The following PTPRG variants were observed in gnomAD, a reference collection of about 807,000 sequenced individuals.
PTPRG encodes the protein protein tyrosine phosphatase receptor type G, also known as receptor-type tyrosine-protein phosphatase gamma.
In PTPRG, 102 loss-of-function variants were observed where a neutral mutation model predicts 165.3. That is an observed-to-expected ratio of 0.62 (90% confidence interval 0.53 to 0.73). PTPRG has a LOEUF of 0.73. PTPRG is among the 30% of genes least tolerant of loss of function. The pLI, the probability that PTPRG is intolerant of heterozygous loss-of-function variation, is 0.00. For missense variants in PTPRG, 1,866 were observed against 1,861.4 expected (o/e 1.00, Z -0.05); for synonymous variants, 675 against 669.5 (o/e 1.01, Z -0.13).
chr3:61,734,789 G>T (rs2032654748), intron 1 of PTPRG, among the ~76,000 whole-genome samples: 1 of 152,130 alleles, frequency 6.6e-6, no homozygotes, highest in Non-Finnish European at 1.5e-5. Context: ...GTCATAAAAG[G>T]ATTTATATTC....
intron 5 of PTPRG, among the ~76,000 whole-genome samples, chr3:62,102,427 C>T (rs1429443154): frequency 1.3e-5 from 2 of 152,138 alleles, no homozygotes; most frequent in Admixed American, 6.5e-5. Context: ...TGCACGCCTC[C>T]ACGCCTGGCT....
At chr3:61,772,058 TAAAAAAAAAAAAAA>T (rs71100977) in intron 2 of PTPRG, among the ~76,000 whole-genome samples, 2 of 64,782 alleles carry the variant, frequency 3.1e-5, no homozygotes, top group East Asian at 5.2e-4. Flanking sequence ...AGACTCTGTC[TAAAAAAAAAAAAAA>T]AAAAAAAAAA....
intron 6 of PTPRG, among the ~76,000 whole-genome samples, chr3:62,134,486 G>C (rs1279887073): frequency 6.6e-6 from 1 of 152,142 alleles, no homozygotes. Context: ...CCTCTGTCGG[G>C]AGAGTTCTTC....
At chr3:62,152,085 G>A (rs1412897973) in intron 6 of PTPRG, among the ~76,000 whole-genome samples, 1 of 152,094 alleles carries the variant, frequency 6.6e-6, no homozygotes, top group Non-Finnish European at 1.5e-5. Flanking sequence ...GATTTTATTA[G>A]CCAGGCATAT....
chr3:62,179,047 C>T (rs1192076077), intron 8 of PTPRG, among the ~76,000 whole-genome samples: 1 of 152,182 alleles, frequency 6.6e-6, no homozygotes, highest in Non-Finnish European at 1.5e-5. Context: ...AGACATCTTC[C>T]CCATTCATCC....
rs59739361 is a variant in PTPRG, at chr3:62,277,801, A to G, written c.3765+122A>G. 3.4e-5 allele frequency: 42 copies of G among 1,237,264 alleles called. No individual in the cohort carries two copies. The African/African-American group carries it at 6.1e-4, about 18-fold the overall frequency. The allele number at this position is 1,237,264 out of a possible 1,614,324, so 76.6% of individuals were successfully genotyped here. A position where few individuals can be genotyped will look rare whatever the true frequency, so the allele number is the denominator to read the frequency against. ...GCTAGGGAGGGAATTTAAAATTTTTAAATTCTCATCTTGAAGTCTGTGGAG... is the reference window on the plus strand; with the variant it reads ...GCTAGGGAGGGAATTTAAAATTTTTGAATTCTCATCTTGAAGTCTGTGGAG... On this transcript the variant is annotated intron_variant, in intron 26 of 29. Coordinates refer to ENST00000474889, the MANE Select transcript of PTPRG (RefSeq NM_002841.4).
chr3:61,759,444 G>A (rs930041812), intron 2 of PTPRG, among the ~76,000 whole-genome samples: 8 of 151,836 alleles, frequency 5.3e-5, no homozygotes, highest in Non-Finnish European at 1.2e-4. Flanking sequence ...CACTTGAGCC[G>A]AGGAGTTCGA....
chr3:61,744,253 A>G (rs995227830), intron 1 of PTPRG, among the ~76,000 whole-genome samples: 1 of 152,242 alleles, frequency 6.6e-6, no homozygotes, highest in Non-Finnish European at 1.5e-5. Context: ...CGTCGATTAA[A>G]ATGCATTTGA....
intron 26 of PTPRG, 67 bp downstream of exon 26, chr3:62,277,746 C>G: frequency 1.3e-6 from 2 of 1,588,390 alleles, no homozygotes; most frequent in Non-Finnish European, 1.7e-6. Context: ...TACTTTGATA[C>G]TTTGCCATAG....
At chr3:61,775,947 G>A (rs1320586180) in intron 2 of PTPRG, among the ~76,000 whole-genome samples, 1 of 149,336 alleles carries the variant, frequency 6.7e-6, no homozygotes, top group Non-Finnish European at 1.5e-5. Context: ...GGAGGGGGGA[G>A]GGATAGCATT....
chr3:61,832,797 C>T (rs1181464455), intron 2 of PTPRG, among the ~76,000 whole-genome samples: 1 of 152,104 alleles, frequency 6.6e-6, no homozygotes. Flanking sequence ...TTTGCTGCAT[C>T]CATCACTTGA....
chr3:61,604,703 T>TTG (rs1700953454), intron 1 of PTPRG, among the ~76,000 whole-genome samples: 1 of 152,160 alleles, frequency 6.6e-6, no homozygotes, highest in Admixed American at 6.5e-5. Context: ...ACCTTTTGTA[T>TTG]TGTAACACTG....
intron 2 of PTPRG, among the ~76,000 whole-genome samples, chr3:61,836,423 G>A (rs2036463632): frequency 6.6e-6 from 1 of 152,248 alleles, no homozygotes. Flanking sequence ...TACAAAGATG[G>A]TAGGCTCAGT....
intron 1 of PTPRG, among the ~76,000 whole-genome samples, chr3:61,590,105 C>T (rs9819223): frequency 0.11 from 17,172 of 151,586 alleles, 1,092 homozygotes; most frequent in African/African-American, 0.17. Context: ...TACCATTGGG[C>T]ACAATCCTTC....
At chr3:62,161,239 TTTG>T (rs1441854288) in intron 7 of PTPRG, among the ~76,000 whole-genome samples, 2 of 152,120 alleles carry the variant, frequency 1.3e-5, no homozygotes, top group South Asian at 2.1e-4. Flanking sequence ...TGTTGTTGGT[TTTG>T]TTGTTGTTGC....
intron 1 of PTPRG, among the ~76,000 whole-genome samples, chr3:61,608,223 T>A (rs1701067690): frequency 1.3e-5 from 2 of 152,060 alleles, no homozygotes. Flanking sequence ...ATATCTGTCC[T>A]CCTCCATAAA....
chr3:61,996,509 G>A (rs1336719306), intron 3 of PTPRG, among the ~76,000 whole-genome samples: 1 of 152,156 alleles, frequency 6.6e-6, no homozygotes, highest in Non-Finnish European at 1.5e-5. Context: ...TTCTGATTAA[G>A]AGCAGAACAT....
At chr3:62,133,130 TG>T (rs1237500003) in intron 6 of PTPRG, among the ~76,000 whole-genome samples, 1 of 152,220 alleles carries the variant, frequency 6.6e-6, no homozygotes, top group African/African-American at 2.4e-5. Context: ...GCCAGGCTGC[TG>T]TTCTGTGCTG....
chr3:61,807,974 T>C (rs564948025), intron 2 of PTPRG, among the ~76,000 whole-genome samples: 7 of 152,328 alleles, frequency 4.6e-5, no homozygotes, highest in African/African-American at 1.7e-4. Context: ...TTGTGGTGCT[T>C]CTGTTAACGC....
Sources: allele counts gnomAD v4.1 joint callset (sites outside exome capture counted in the v4.1 genomes callset), GRCh38; gene constraint gnomAD v4.1.1; transcripts MANE v1.5; gene names NCBI Gene and HGNC (gene_info 2026-07-23, HGNC 2026-07-21).